The following TGFBR1 variants were observed in gnomAD, a reference collection of about 807,000 sequenced individuals.
TGFBR1 encodes the protein TGF-beta receptor type-1.
In TGFBR1, 20 loss-of-function variants were observed where a neutral mutation model predicts 55.1. That is an observed-to-expected ratio of 0.36 (90% CI 0.26 to 0.53). The LOEUF is 0.53. Ranked by LOEUF, TGFBR1 falls within the 20% of genes least tolerant of loss-of-function variation. TGFBR1 has a pLI of 0.91. For synonymous variants in TGFBR1, 220 were observed against 214.8 expected, an observed-to-expected ratio of 1.02 and a Z score of -0.21; for missense variants, 385 against 617.6, an observed-to-expected ratio of 0.62 and a Z score of 3.99.
rs764209146 is a variant in TGFBR1, at chr9:99,149,663, C to G, written c.*358C>G. The G allele has an allele frequency of 2.9e-6, 1 of 339,008 alleles. No homozygotes were observed. The highest frequency in any genetic ancestry group is 2.1e-5 in the African/African-American group (1 of 47,850). 21.0% of individuals were successfully genotyped at this position (339,008 alleles called of 1,614,324 possible). ...GCAAAGGAGTTGGATTGCTGAATTA[C>G]AATGAAACATGTCTTATTACTAAAG... is the stretch of plus-strand genomic sequence containing the variant. On this transcript the variant is annotated 3_prime_UTR_variant, in exon 9 of 9. Coordinates refer to ENST00000374994, the MANE Select transcript of TGFBR1 (RefSeq NM_004612.4).
At chr9:99,114,424 A>G (rs1446185032) in intron 1 of TGFBR1, among the ~76,000 whole-genome samples, 1 of 152,212 alleles carries the variant, frequency 6.6e-6, no homozygotes, top group Non-Finnish European at 1.5e-5. Flanking sequence ...CTTCCTTAAT[A>G]AAGTGGAGCC....
At chr9:99,135,298 A>G (rs998918866) in intron 3 of TGFBR1, among the ~76,000 whole-genome samples, 1 of 152,216 alleles carries the variant, frequency 6.6e-6, no homozygotes, top group Non-Finnish European at 1.5e-5. Context: ...AGAAAATGCC[A>G]TCTGTTTCCC....
rs11568759 is a variant in TGFBR1 at position 99,129,377 on chromosome 9, A to T, written c.343+277A>T. ...GCAAACTCTGACAAAGCCCACAACAACATCTTCAGATTGTCTCTACTTTGT... is the reference window on the plus strand; with the variant it reads ...GCAAACTCTGACAAAGCCCACAACATCATCTTCAGATTGTCTCTACTTTGT... On this transcript the variant is annotated intron_variant, in intron 2 of 8. Coordinates refer to ENST00000374994, the MANE Select transcript of TGFBR1 (RefSeq NM_004612.4). Among the ~76,000 whole-genome samples, 1,362 of 152,318 alleles carry T rather than the reference A, an allele frequency of 8.9e-3. 16 individuals are homozygous for T. The highest frequency in any genetic ancestry group is 0.031 in the African/African-American group (1,305 of 41,572).
intron 5 of TGFBR1, among the ~76,000 whole-genome samples, chr9:99,143,196 T>C (rs941272057): frequency 6.6e-6 from 1 of 152,224 alleles, no homozygotes; most frequent in Non-Finnish European, 1.5e-5. Flanking sequence ...TTAGAGATTC[T>C]CTAGTCGTTG....
At chr9:99,128,086 G>A (rs11568754) in intron 1 of TGFBR1, 66 of 446,526 alleles carry the variant, frequency 1.5e-4, no homozygotes, top group African/African-American at 1.3e-3. Flanking sequence ...GAAGGTGTTG[G>A]TGATAATTAG....
At chr9:99,108,429 A>G (rs7021493) in intron 1 of TGFBR1, among the ~76,000 whole-genome samples, 133 of 152,340 alleles carry the variant, frequency 8.7e-4, no homozygotes, top group African/African-American at 3.0e-3. Flanking sequence ...TGTTTTGGTT[A>G]AACATCCTTT....
chr9:99,140,465 A>C (rs1827580542), intron 4 of TGFBR1, among the ~76,000 whole-genome samples: 1 of 151,860 alleles, frequency 6.6e-6, no homozygotes, highest in Non-Finnish European at 1.5e-5. Flanking sequence ...CAAAAAAAAA[A>C]CAACAACAAA....
At position 99,138,105 on chromosome 9, in the gene TGFBR1, T is replaced by C. The variant is rs758891864; in HGVS notation, c.805+16T>C. On this transcript the variant is annotated intron_variant, in intron 4 of 8. Transcript: ENST00000374994. ...GACAATAAAGGTCTGTAACATTTGC[T>C]TTTCCTTATGTTATATATAACAAGA... is the stretch of plus-strand genomic sequence containing the variant. 6.2e-7 allele frequency: 1 copy of C among 1,603,218 alleles called. No individual in the cohort carries two copies. Among genetic ancestry groups the C allele is most frequent in the Admixed American group, 1.7e-5 (1 of 59,990 alleles).
chr9:99,136,147 G>T (rs1382192856), intron 3 of TGFBR1, among the ~76,000 whole-genome samples: 1 of 152,166 alleles, frequency 6.6e-6, no homozygotes, highest in Non-Finnish European at 1.5e-5. Context: ...GAGTCACTGT[G>T]CCTGGCCAAT....
chr9:99,139,093 G>A (rs941046978), intron 4 of TGFBR1, among the ~76,000 whole-genome samples: 1 of 151,780 alleles, frequency 6.6e-6, no homozygotes, highest in Non-Finnish European at 1.5e-5. Flanking sequence ...ACTGTGCCCA[G>A]CCCCCACGAT....
intron 6 of TGFBR1, among the ~76,000 whole-genome samples, chr9:99,145,160 ATGTG>A (rs1827753047): frequency 6.6e-6 from 1 of 152,220 alleles, no homozygotes; most frequent in East Asian, 1.9e-4. Flanking sequence ...GGCACCTACT[ATGTG>A]CCAATCGTCT....
chr9:99,104,891 G>A (rs549186944), upstream of TGFBR1, among the ~76,000 whole-genome samples: 10 of 152,136 alleles, frequency 6.6e-5, no homozygotes, highest in South Asian at 2.1e-3. Flanking sequence ...CGATCGGGCC[G>A]GGGCTGGGGT....
At chr9:99,119,834 G>A (rs577998409) in intron 1 of TGFBR1, among the ~76,000 whole-genome samples, 202 of 152,316 alleles carry the variant, frequency 1.3e-3, no homozygotes, top group African/African-American at 4.5e-3. Context: ...AGAAAGAGCT[G>A]ATAGGTACCA....
intron 1 of TGFBR1, among the ~76,000 whole-genome samples, chr9:99,122,598 C>T (rs10988714): frequency 0.17 from 25,616 of 151,966 alleles, 2,294 homozygotes; most frequent in Non-Finnish European, 0.2. Context: ...TCTCTTTTTC[C>T]TCATGTCACT....
In TGFBR1 at chr9:99,132,579, C is replaced by T. The variant is rs1827270962; in HGVS notation, c.414C>T (p.Cys138=). 1 of 1,614,180 alleles carries T rather than the reference C, an allele frequency of 6.2e-7. No individual in the cohort carries two copies. The highest frequency in any genetic ancestry group is 8.5e-7 in the Non-Finnish European group (1 of 1,180,020). Residue 138 remains cysteine, a synonymous_variant, in exon 3 of 9, where the codon TGC becomes TGT. Transcript: ENST00000374994. ...AVIAGPVCFV[C]ISLMLMVYIC... ...TTGCTGGACCAGTGTGCTTCGTCTGCATCTCACTCATGTTGATGGTCTATA... is the reference window on the plus strand; with the variant it reads ...TTGCTGGACCAGTGTGCTTCGTCTGTATCTCACTCATGTTGATGGTCTATA...
At chr9:99,138,741 C>CT (rs2118732309) in intron 4 of TGFBR1, among the ~76,000 whole-genome samples, 1 of 152,030 alleles carries the variant, frequency 6.6e-6, no homozygotes, top group South Asian at 2.1e-4. Flanking sequence ...AAGCAGTGAC[C>CT]TTAGACTGTG....
intron 4 of TGFBR1, among the ~76,000 whole-genome samples, chr9:99,140,738 C>A (rs542991280): frequency 1.3e-5 from 2 of 152,346 alleles, no homozygotes; most frequent in East Asian, 1.9e-4. Flanking sequence ...AACATAGCCA[C>A]ATTCATGGTT....
At chr9:99,123,217 C>G (rs1173697428) in intron 1 of TGFBR1, among the ~76,000 whole-genome samples, 3 of 152,054 alleles carry the variant, frequency 2.0e-5, no homozygotes, top group African/African-American at 7.2e-5. Flanking sequence ...TTACAACAAC[C>G]CATCATGTCT....
At chr9:99,148,689 C>G (rs1266589060) in intron 8 of TGFBR1, among the ~76,000 whole-genome samples, 1 of 152,074 alleles carries the variant, frequency 6.6e-6, no homozygotes, top group East Asian at 1.9e-4. Flanking sequence ...AATGAGAGTG[C>G]TGCTAGATTT....
Sources: gnomAD v4.1 joint callset for allele counts (sites outside exome capture counted in the v4.1 genomes callset) on GRCh38, gnomAD v4.1.1 for gene constraint, MANE v1.5 for transcripts, NCBI Gene and HGNC (gene_info 2026-07-23, HGNC 2026-07-21) for gene names.